Variants in PPP1CB observed in about 807,000 individuals in gnomAD.
PPP1CB encodes serine/threonine-protein phosphatase PP1-beta catalytic subunit.
A neutral mutation model predicts 43.7 loss-of-function variants in PPP1CB; 2 were observed. The observed-to-expected ratio is 0.05, with a 90% CI of 0.02 to 0.14. The LOEUF is 0.14. PPP1CB is among the 10% of genes least tolerant of loss of function. The pLI, the probability that PPP1CB is intolerant of heterozygous loss-of-function variation, is 1.00. For missense variants in PPP1CB, 84 were observed against 398.0 expected (o/e 0.21, Z 6.71); for synonymous variants, 136 against 135.6 (o/e 1.00, Z -0.02).
At chr2:28,770,453 T>G (rs1442007592) in intron 1 of PPP1CB, among the ~76,000 whole-genome samples, 1 of 147,838 alleles carries the variant, frequency 6.8e-6, no homozygotes, top group Non-Finnish European at 1.5e-5. Flanking sequence ...GACTTGGCTA[T>G]ATTTATGTTG....
In PPP1CB at chr2:28,778,811, G is replaced by T; in HGVS notation, c.187G>T (p.Asp63Tyr). 6.4e-7 allele frequency: 1 copy of T among 1,558,886 alleles called. No individual in the cohort carries two copies. Residue 63 changes from aspartate to tyrosine, a missense_variant and splice_region_variant, in exon 3 of 8, where the codon GAT becomes TAT. Physicochemically the swap from Asp to Tyr is radical, Grantham distance 160. This residue lies in a region of PPP1CB where 28 missense variants were observed against 234.2 expected (regional missense o/e 0.12). Transcript: ENST00000395366. ...AAACTGACTCTTTCTCTTTTTAGGAGATATTCATGGACAATATACAGATTT... is the reference window on the plus strand; with the variant it reads ...AAACTGACTCTTTCTCTTTTTAGGATATATTCATGGACAATATACAGATTT... ...ELEAPLKICG[D>Y]IHGQYTDLLR...
At position 28,800,910 on chromosome 2, in the gene PPP1CB, A is replaced by G. The variant is rs975781091; in HGVS notation, c.*1607A>G. 11 of 152,572 alleles carry G rather than the reference A, an allele frequency of 7.2e-5. No homozygotes were observed. Among genetic ancestry groups the G allele is most frequent in the Admixed American group, 3.3e-4 (5 of 15,256 alleles). 9.5% of individuals were successfully genotyped at this position (152,572 alleles called of 1,614,324 possible). A position where few individuals can be genotyped will look rare whatever the true frequency, so the allele number is the denominator to read the frequency against. ...TTGGCACATTGTATTACTTACTGCA[A>G]GAGATATTTCATTTTCAGCACAGTG... On this transcript the variant is annotated 3_prime_UTR_variant, in exon 8 of 8. Transcript: ENST00000395366.
At chr2:28,795,737 A>G (rs1027265831) in intron 7 of PPP1CB, among the ~76,000 whole-genome samples, 2 of 151,936 alleles carry the variant, frequency 1.3e-5, no homozygotes, top group African/African-American at 2.4e-5. Flanking sequence ...CTCTCATTCT[A>G]TAGGTTGTCT....
rs60153486 is a variant in PPP1CB, at chr2:28,755,732, G to C, written c.52+3556G>C. ...TATTTTGGAGGAAGTGAAGTGGAAT[G>C]AGTAGAATCTAATGCATTTGGGAGG... On this transcript the variant is annotated intron_variant, in intron 1 of 7. Coordinates refer to ENST00000395366, the MANE Select transcript of PPP1CB (RefSeq NM_002709.3). Among the ~76,000 whole-genome samples the C allele has an allele frequency of 3.0e-3, 459 of 152,316 alleles. 6 individuals carry two copies. The highest frequency in any genetic ancestry group is 0.011 in the African/African-American group (442 of 41,576).
intron 1 of PPP1CB, among the ~76,000 whole-genome samples, chr2:28,761,940 G>A (rs749031442): frequency 6.6e-6 from 1 of 152,162 alleles, no homozygotes; most frequent in Non-Finnish European, 1.5e-5. Flanking sequence ...TTTTATTTAT[G>A]TGAGGTATTT....
At chr2:28,786,572 C>A (rs1667269523) in intron 5 of PPP1CB, among the ~76,000 whole-genome samples, 1 of 151,928 alleles carries the variant, frequency 6.6e-6, no homozygotes, top group Non-Finnish European at 1.5e-5. Flanking sequence ...ATTATAGATT[C>A]TTGAGATCGA....
At chr2:28,760,790 TAAG>T (rs1189851399) in intron 1 of PPP1CB, among the ~76,000 whole-genome samples, 4 of 152,246 alleles carry the variant, frequency 2.6e-5, no homozygotes, top group East Asian at 1.9e-4. Context: ...AATAGTAAAT[TAAG>T]AAGGAATCTT....
At chr2:28,762,243 C>T (rs1307949499) in intron 1 of PPP1CB, among the ~76,000 whole-genome samples, 1 of 152,158 alleles carries the variant, frequency 6.6e-6, no homozygotes, top group Non-Finnish European at 1.5e-5. Context: ...TGAGATTGCG[C>T]CACTGCACTC....
intron 1 of PPP1CB, among the ~76,000 whole-genome samples, chr2:28,769,342 T>C (rs1451097120): frequency 6.6e-6 from 1 of 152,202 alleles, no homozygotes; most frequent in Non-Finnish European, 1.5e-5. Flanking sequence ...GTTCAAGCGA[T>C]TCTCCTGCTT....
At chr2:28,790,697 G>A (rs1345683217) in intron 6 of PPP1CB, among the ~76,000 whole-genome samples, 3 of 152,158 alleles carry the variant, frequency 2.0e-5, no homozygotes, top group African/African-American at 7.2e-5. Flanking sequence ...AAGAATGTCT[G>A]TGTTTTTCCA....
intron 7 of PPP1CB, among the ~76,000 whole-genome samples, chr2:28,798,895 C>G (rs969034136): frequency 1.3e-5 from 2 of 152,004 alleles, no homozygotes; most frequent in African/African-American, 4.8e-5. Flanking sequence ...CAACATAGAT[C>G]TTCTGACTCT....
At chr2:28,759,794 T>G (rs977076654) in intron 1 of PPP1CB, among the ~76,000 whole-genome samples, 19 of 151,972 alleles carry the variant, frequency 1.3e-4, no homozygotes, top group Non-Finnish European at 2.4e-4. Flanking sequence ...ATTTTTTGTA[T>G]TTTTAGTAGA....
intron 1 of PPP1CB, among the ~76,000 whole-genome samples, chr2:28,760,165 A>G (rs917040872): frequency 2.6e-5 from 4 of 152,224 alleles, no homozygotes; most frequent in Non-Finnish European, 5.9e-5. Context: ...AAAAGTGAAA[A>G]ATATTTTTAA....
chr2:28,777,554 T>C (rs1667067702), intron 2 of PPP1CB, among the ~76,000 whole-genome samples: 1 of 152,232 alleles, frequency 6.6e-6, no homozygotes, highest in African/African-American at 2.4e-5. Context: ...CTTTATACCT[T>C]GTATTCTTTT....
In PPP1CB at chr2:28,794,013, A is replaced by T; in HGVS notation, c.879+16A>T. On this transcript the variant is annotated intron_variant, in intron 7 of 7. Coordinates refer to ENST00000395366, the MANE Select transcript of PPP1CB (RefSeq NM_002709.3). The stretch of plus-strand genomic sequence containing the variant: ...TTCATTTCAGGTATGATGTAAACAT[A>T]AATATATAAGAACTAGAAATCTAAT... 6.3e-7 allele frequency: 1 copy of T among 1,582,454 alleles called. No individual in the cohort carries two copies. Among genetic ancestry groups the T allele is most frequent in the Non-Finnish European group, 8.6e-7 (1 of 1,157,694 alleles).
intron 1 of PPP1CB, among the ~76,000 whole-genome samples, chr2:28,765,790 T>G (rs1558299517): frequency 6.6e-6 from 1 of 152,212 alleles, no homozygotes; most frequent in African/African-American, 2.4e-5. Context: ...GGCATGTGCC[T>G]ATAGTCCCAG....
chr2:28,788,689 A>G lies in PPP1CB; in HGVS notation c.624A>G (p.Pro208=). The G allele has an allele frequency of 1.2e-6, 2 of 1,614,002 alleles. No individual in the cohort carries two copies. The highest frequency in any genetic ancestry group is 1.7e-5 in the Admixed American group (1 of 59,968). ...GLLCDLLWSD[P]DKDVQGWGEN... ...TCTGTGATTTGCTATGGTCTGATCC[A>G]GATAAGGATGTGCAAGGCTGGGGAG... The change falls in exon 6 of 8, where the codon CCA becomes CCG. Residue 208 remains proline, a synonymous_variant. Coordinates refer to ENST00000395366, the MANE Select transcript of PPP1CB (RefSeq NM_002709.3).
intron 6 of PPP1CB, 30 bp downstream of exon 6, chr2:28,788,839 CT>C: frequency 1.9e-6 from 3 of 1,554,918 alleles, no homozygotes; most frequent in Non-Finnish European, 2.6e-6. Flanking sequence ...TAAGCTTTTT[CT>C]TTTTTCTTTC....
At chr2:28,753,879 A>G (rs1259726612) in intron 1 of PPP1CB, among the ~76,000 whole-genome samples, 1 of 151,728 alleles carries the variant, frequency 6.6e-6, no homozygotes, top group Non-Finnish European at 1.5e-5. Flanking sequence ...GATTACAGGC[A>G]CCCCGCCATC....
Sources: allele counts gnomAD v4.1 joint callset (sites outside exome capture counted in the v4.1 genomes callset), GRCh38; gene constraint gnomAD v4.1.1; regional missense constraint gnomAD v4.1.1; transcripts MANE v1.5; gene names NCBI Gene and HGNC (gene_info 2026-07-23, HGNC 2026-07-21).